GABBR2: variants seen among roughly 807,000 people sequenced by gnomAD.
The protein encoded by GABBR2 is gamma-aminobutyric acid type B receptor subunit 2, also known as G-protein coupled receptor 51.
Under a neutral mutation model 105.6 loss-of-function variants are expected in GABBR2, and 23 were observed. The observed-to-expected ratio is 0.22, with a 90% CI of 0.16 to 0.31. The LOEUF (loss-of-function observed/expected upper bound fraction) is 0.31, where lower values mean the gene tolerates loss of function less well. Ranked by LOEUF, GABBR2 falls within the 10% of genes least tolerant of loss-of-function variation. GABBR2 has a pLI of 1.00. For synonymous variants in GABBR2, 478 were observed against 499.7 expected, an observed-to-expected ratio of 0.96 and a Z score of 0.58; for missense variants, 734 against 1,245.5, an observed-to-expected ratio of 0.59 and a Z score of 6.18.
chr9:98,423,432 CT>C (rs1832819723), intron 7 of GABBR2, among the ~76,000 whole-genome samples: 1 of 152,190 alleles, frequency 6.6e-6, no homozygotes, highest in African/African-American at 2.4e-5. Context: ...TGTTCATAAC[CT>C]TTGCCCACTT....
At chr9:98,322,363 A>G (rs998951) in intron 13 of GABBR2, among the ~76,000 whole-genome samples, 80,370 of 151,806 alleles carry the variant, frequency 0.53, 22,495 homozygotes, top group East Asian at 0.73. Context: ...CGCCTGTCAC[A>G]TGCAGGTGAA....
At chr9:98,297,814 G>C (rs953612735) in intron 17 of GABBR2, among the ~76,000 whole-genome samples, 1 of 150,146 alleles carries the variant, frequency 6.7e-6, no homozygotes, top group South Asian at 2.1e-4. Flanking sequence ...TTGAGGTCAG[G>C]AGTTCCAGAC....
At chr9:98,319,423 T>C (rs958824329) in intron 13 of GABBR2, among the ~76,000 whole-genome samples, 2 of 150,804 alleles carry the variant, frequency 1.3e-5, no homozygotes, top group African/African-American at 4.9e-5. Context: ...ATTTTTTTTG[T>C]AGAATGTTAT....
intron 1 of GABBR2, among the ~76,000 whole-genome samples, chr9:98,614,960 T>C (rs1206649444): frequency 6.6e-6 from 1 of 152,200 alleles, no homozygotes; most frequent in Non-Finnish European, 1.5e-5. Context: ...TGCCTGTTGT[T>C]CTCTCAACCT....
chr9:98,532,188 T>C (rs1265743114), intron 3 of GABBR2, among the ~76,000 whole-genome samples: 2 of 152,194 alleles, frequency 1.3e-5, no homozygotes. Flanking sequence ...TGGGAAATAA[T>C]GGACCTACCC....
At chr9:98,693,364 T>A (rs529833562) in intron 1 of GABBR2, among the ~76,000 whole-genome samples, 11 of 152,352 alleles carry the variant, frequency 7.2e-5, no homozygotes, top group Admixed American at 6.5e-4. Context: ...GGCCCCTCCA[T>A]GTCCTCAGGT....
At chr9:98,650,617 T>A (rs1437795438) in intron 1 of GABBR2, among the ~76,000 whole-genome samples, 2 of 152,032 alleles carry the variant, frequency 1.3e-5, no homozygotes, top group Non-Finnish European at 2.9e-5. Flanking sequence ...AAAAGATGCT[T>A]AAGGGAGATT....
intron 3 of GABBR2, among the ~76,000 whole-genome samples, chr9:98,516,934 CTG>C (rs574074633): frequency 4.3e-4 from 65 of 152,350 alleles, no homozygotes; most frequent in African/African-American, 1.5e-3. Context: ...GGCCAGCAAT[CTG>C]TGTTTGCACA....
chr9:98,490,371 TGGGGGCA>T (rs1827152611), intron 4 of GABBR2, among the ~76,000 whole-genome samples: 1 of 152,112 alleles, frequency 6.6e-6, no homozygotes, highest in African/African-American at 2.4e-5. Flanking sequence ...TTCCTGATGG[TGGGGGCA>T]GGGGGCTGTG....
At chr9:98,470,645 C>T (rs910318773) in intron 6 of GABBR2, among the ~76,000 whole-genome samples, 1 of 152,064 alleles carries the variant, frequency 6.6e-6, no homozygotes, top group Non-Finnish European at 1.5e-5. Flanking sequence ...AAAATGAATG[C>T]AAGAAATCCA....
rs528980914 is a variant in GABBR2 at position 98,584,807 on chromosome 9, C to G, written c.322-6735G>C. 2.0e-5 allele frequency among the ~76,000 whole-genome samples: 3 copies of G among 152,198 alleles called. No individual in the cohort carries two copies. In the East Asian group the frequency reaches 5.8e-4, roughly 29 times the overall value. ...TTAAAAGCTAATGTGTCCAACCTGC[C>G]CCCGTTAGAAAGTCCCCTCTGGGTC... On this transcript the variant is annotated intron_variant, in intron 1 of 18. Transcript: ENST00000259455.
intron 5 of GABBR2, among the ~76,000 whole-genome samples, chr9:98,478,991 G>C (rs1187322723): frequency 6.6e-6 from 1 of 152,080 alleles, no homozygotes. Flanking sequence ...TCTCAAATTT[G>C]GACCATTATT....
chr9:98,579,583 C>T (rs1019302755), intron 1 of GABBR2, among the ~76,000 whole-genome samples: 1 of 152,198 alleles, frequency 6.6e-6, no homozygotes, highest in Non-Finnish European at 1.5e-5. Context: ...GCACTTAAAA[C>T]CCAAACTCCT....
chr9:98,452,681 G>A (rs796200534), intron 7 of GABBR2, among the ~76,000 whole-genome samples: 15 of 152,232 alleles, frequency 9.9e-5, no homozygotes, highest in Admixed American at 3.9e-4. Context: ...CACATAATAC[G>A]CAATCAAGAA....
intron 2 of GABBR2, among the ~76,000 whole-genome samples, chr9:98,566,181 T>C (rs905028946): frequency 6.6e-6 from 1 of 152,182 alleles, no homozygotes; most frequent in Non-Finnish European, 1.5e-5. Flanking sequence ...ACAGTCCTAC[T>C]TCCTGGGGCA....
chr9:98,291,112 T>C lies in GABBR2; in HGVS notation c.2661-363A>G, dbSNP rs192031534. Among the ~76,000 whole-genome samples, 540 of 152,278 alleles carry C rather than the reference T, an allele frequency of 3.5e-3. 1 individual carries two copies. The highest frequency in any genetic ancestry group is 8.9e-3 in the South Asian group (43 of 4,824). The stretch of plus-strand genomic sequence containing the variant: ...CATTGTAAGTTGAAAATATCGTAAG[T>C]TGAAAAATGCATTTAATCCACCTAA... On this transcript the variant is annotated intron_variant, in intron 18 of 18. Coordinates refer to ENST00000259455, the MANE Select transcript of GABBR2 (RefSeq NM_005458.8).
At chr9:98,295,218 C>T (rs908742459) in intron 17 of GABBR2, among the ~76,000 whole-genome samples, 2 of 152,202 alleles carry the variant, frequency 1.3e-5, no homozygotes, top group Admixed American at 6.5e-5. Context: ...GCATGATGCA[C>T]GTGTTCCCAG....
At chr9:98,491,784 A>G (rs1827179275) in intron 4 of GABBR2, among the ~76,000 whole-genome samples, 1 of 152,124 alleles carries the variant, frequency 6.6e-6, no homozygotes, top group Non-Finnish European at 1.5e-5. Context: ...TTTTTGCATT[A>G]TGTATAAAAT....
At chr9:98,399,727 TGAAG>T (rs386736683) in intron 8 of GABBR2, among the ~76,000 whole-genome samples, 17,593 of 152,054 alleles carry the variant, frequency 0.12, 1,205 homozygotes, top group African/African-American at 0.18. Context: ...ATTAAGAACT[TGAAG>T]GCTCAACCAG....
Sources: allele counts gnomAD v4.1 joint callset (sites outside exome capture counted in the v4.1 genomes callset), GRCh38; gene constraint gnomAD v4.1.1; transcripts MANE v1.5; gene names NCBI Gene and HGNC (gene_info 2026-07-23, HGNC 2026-07-21).